The following ADGRB3 variants were observed in gnomAD, a reference collection of about 807,000 sequenced individuals.
ADGRB3 encodes brain-specific angiogenesis inhibitor 3.
Under a neutral mutation model 193.4 loss-of-function variants are expected in ADGRB3, and 37 were observed. That is an observed-to-expected ratio of 0.19 (90% CI 0.15 to 0.25). The LOEUF (loss-of-function observed/expected upper bound fraction) is 0.25. Ranked by LOEUF, ADGRB3 falls within the 10% of genes least tolerant of loss-of-function variation. ADGRB3 has a pLI of 1.00. For synonymous variants in ADGRB3, 690 were observed against 644.2 expected (o/e 1.07, Z -1.08); for missense variants, 1,637 against 1,852.9 (o/e 0.88, Z 2.14).
chr6:69,260,681 C>T (rs1766904215), intron 20 of ADGRB3, among the ~76,000 whole-genome samples: 1 of 152,034 alleles, frequency 6.6e-6, no homozygotes, highest in Non-Finnish European at 1.5e-5. Flanking sequence ...AAATAAAAAC[C>T]ATCTTTAGTT....
chr6:69,221,810 T>C (rs548273142), intron 17 of ADGRB3, among the ~76,000 whole-genome samples: 27 of 152,262 alleles, frequency 1.8e-4, no homozygotes, highest in South Asian at 6.2e-4. Context: ...GTTTAGAAGA[T>C]AGGAAGATTA....
intron 4 of ADGRB3, among the ~76,000 whole-genome samples, chr6:68,934,712 A>G (rs1767437001): frequency 6.6e-6 from 1 of 152,178 alleles, no homozygotes; most frequent in African/African-American, 2.4e-5. Context: ...ACATGCACAT[A>G]TACACATATA....
chr6:69,338,569 G>A (rs185168849), intron 24 of ADGRB3, among the ~76,000 whole-genome samples: 8 of 152,258 alleles, frequency 5.3e-5, no homozygotes, highest in Non-Finnish European at 4.4e-5. Context: ...GTCCTCACAT[G>A]TTTGATTATT....
chr6:69,102,586 A>G (rs1773096184), intron 17 of ADGRB3, among the ~76,000 whole-genome samples: 1 of 152,236 alleles, frequency 6.6e-6, no homozygotes, highest in Non-Finnish European at 1.5e-5. Flanking sequence ...GAGCAGAGGC[A>G]TTCATGTCAT....
chr6:68,898,476 C>G lies in ADGRB3; in HGVS notation c.758-32083C>G, dbSNP rs187655716. On this transcript the variant is annotated intron_variant, in intron 3 of 31. Transcript: ENST00000370598. ...CCAACTATCTGAGTTTTCCTTAATC[C>G]AGGCAAGCTCATAGTAAAATTTACG... Among the ~76,000 whole-genome samples the G allele has an allele frequency of 1.3e-4, 20 of 152,192 alleles. 1 individual carries two copies. The East Asian group carries it at 3.9e-3, about 29-fold the overall frequency.
intron 17 of ADGRB3, among the ~76,000 whole-genome samples, chr6:69,210,172 A>AG (rs1765632984): frequency 7.4e-6 from 1 of 134,268 alleles, no homozygotes; most frequent in Non-Finnish European, 1.6e-5. Context: ...ATATATATAA[A>AG]GGGGAGTTTA....
chr6:68,853,983 T>A (rs1768457828), intron 3 of ADGRB3, among the ~76,000 whole-genome samples: 2 of 152,200 alleles, frequency 1.3e-5, no homozygotes, highest in Non-Finnish European at 1.5e-5. Flanking sequence ...TTATTAATCA[T>A]CTTAATTCTT....
chr6:68,734,086 G>C (rs1406313429), intron 3 of ADGRB3, among the ~76,000 whole-genome samples: 1 of 151,010 alleles, frequency 6.6e-6, no homozygotes, highest in Non-Finnish European at 1.5e-5. Context: ...CAGCAACTAT[G>C]GTATTTTTTT....
chr6:69,040,692 AAAAAAAAAAAAAAAAAAC>A (rs1246338443), intron 13 of ADGRB3, among the ~76,000 whole-genome samples: 4 of 144,692 alleles, frequency 2.8e-5, no homozygotes, highest in Non-Finnish European at 3.0e-5. Flanking sequence ...AAAAAAAAAA[AAAAAAAAAAAAAAAAAAC>A]AAACAAGAAT....
At chr6:69,333,936 CAAAATAAAAT>C (rs70987461) in intron 24 of ADGRB3, among the ~76,000 whole-genome samples, 12,987 of 109,534 alleles carry the variant, frequency 0.12, 1,186 homozygotes, top group Non-Finnish European at 0.16. Flanking sequence ...TCTCAAAAAA[CAAAATAAAAT>C]AAAATAAAAT....
intron 10 of ADGRB3, among the ~76,000 whole-genome samples, chr6:68,987,720 TC>T (rs1005539209): frequency 2.0e-5 from 3 of 152,080 alleles, no homozygotes; most frequent in Non-Finnish European, 2.9e-5. Flanking sequence ...TTACTAAGTC[TC>T]CACTCCTTCA....
chr6:69,036,531 T>A (rs1382090782), intron 13 of ADGRB3, among the ~76,000 whole-genome samples: 1 of 152,022 alleles, frequency 6.6e-6, no homozygotes, highest in African/African-American at 2.4e-5. Flanking sequence ...TGCCTATCCT[T>A]TTGGAATTTA....
chr6:68,907,616 A>G (rs563527658), intron 3 of ADGRB3, among the ~76,000 whole-genome samples: 1 of 152,054 alleles, frequency 6.6e-6, no homozygotes, highest in South Asian at 2.1e-4. Context: ...TACCAGGTTT[A>G]TAGAAATTAT....
At chr6:69,035,734 G>A (rs1392553626) in intron 13 of ADGRB3, among the ~76,000 whole-genome samples, 1 of 152,138 alleles carries the variant, frequency 6.6e-6, no homozygotes, top group African/African-American at 2.4e-5. Flanking sequence ...GGGTCTGATG[G>A]CCTAATGTGT....
intron 8 of ADGRB3, among the ~76,000 whole-genome samples, chr6:68,966,312 C>G (rs1436672651): frequency 6.6e-6 from 1 of 152,044 alleles, no homozygotes; most frequent in Non-Finnish European, 1.5e-5. Flanking sequence ...TCTTTCAACC[C>G]TTTCTCCAAA....
intron 20 of ADGRB3, among the ~76,000 whole-genome samples, chr6:69,296,059 G>A (rs1034550196): frequency 6.6e-6 from 1 of 152,086 alleles, no homozygotes; most frequent in African/African-American, 2.4e-5. Context: ...CTTGTCTGTG[G>A]AGTTATGTTA....
At chr6:69,251,630 T>A (rs546262947) in intron 20 of ADGRB3, among the ~76,000 whole-genome samples, 1 of 152,256 alleles carries the variant, frequency 6.6e-6, no homozygotes, top group South Asian at 2.1e-4. Flanking sequence ...ACAATATACT[T>A]TTTTCTTATT....
At chr6:68,951,744 G>A (rs576278658) in intron 6 of ADGRB3, among the ~76,000 whole-genome samples, 2 of 152,204 alleles carry the variant, frequency 1.3e-5, no homozygotes, top group Admixed American at 6.6e-5. Flanking sequence ...TTTTAAATTC[G>A]TAGGTTTGCA....
At chr6:69,236,409 C>A (rs572659338) in intron 19 of ADGRB3, among the ~76,000 whole-genome samples, 127 of 151,994 alleles carry the variant, frequency 8.4e-4, no homozygotes, top group Non-Finnish European at 1.6e-3. Context: ...GAAATAAATG[C>A]TTAGTTTAAA....
Sources: gnomAD v4.1 joint callset for allele counts (sites outside exome capture counted in the v4.1 genomes callset) on GRCh38, gnomAD v4.1.1 for gene constraint, MANE v1.5 for transcripts, NCBI Gene and HGNC (gene_info 2026-07-23, HGNC 2026-07-21) for gene names.